The following ATG10 variants were observed in gnomAD, a reference collection of about 807,000 sequenced individuals.
ATG10 encodes autophagy related 10, also known as ubiquitin-like-conjugating enzyme ATG10.
A neutral mutation model predicts 32.1 loss-of-function variants in ATG10; 30 were observed. That is an observed-to-expected ratio of 0.94 (90% confidence interval 0.70 to 1.27). ATG10 has a LOEUF of 1.27. ATG10 is among the 50% of genes most tolerant of loss of function. The probability of loss-of-function intolerance (pLI) is 0.00; values close to 1 mark genes in which losing one functional copy is unlikely to be tolerated. For synonymous variants in ATG10, 87 were observed against 91.5 expected, an observed-to-expected ratio of 0.95 and a Z score of 0.28; for missense variants, 233 against 262.3, an observed-to-expected ratio of 0.89 and a Z score of 0.77.
At chr5:82,253,462 G>A (rs1246138281) in intron 7 of ATG10, 33 bp downstream of exon 7, 16 of 1,381,528 alleles carry the variant, frequency 1.2e-5, no homozygotes, top group Middle Eastern at 1.8e-4. Flanking sequence ...ATGTTTTGCC[G>A]TTACAAAGAT....
intron 2 of ATG10, among the ~76,000 whole-genome samples, chr5:82,049,997 A>G (rs923927816): frequency 2.0e-5 from 3 of 152,012 alleles, no homozygotes; most frequent in African/African-American, 7.3e-5. Flanking sequence ...GATATAAAGT[A>G]AAGATGAAAA....
chr5:82,090,012 T>C (rs957865469), intron 3 of ATG10, among the ~76,000 whole-genome samples: 1 of 150,034 alleles, frequency 6.7e-6, no homozygotes, highest in Non-Finnish European at 1.5e-5. Context: ...TTTAGAGAAA[T>C]GCAAATTAAA....
intron 5 of ATG10, among the ~76,000 whole-genome samples, chr5:82,247,462 A>G (rs1021322217): frequency 1.5e-4 from 22 of 151,222 alleles, no homozygotes; most frequent in Non-Finnish European, 3.0e-5. Context: ...GTACTTTTCA[A>G]CTCTAGAATT....
intron 5 of ATG10, among the ~76,000 whole-genome samples, chr5:82,202,917 A>G (rs1257414812): frequency 2.0e-5 from 3 of 152,096 alleles, no homozygotes; most frequent in African/African-American, 7.2e-5. Context: ...ATGAGAGAAG[A>G]AAGAAAGAAA....
rs532739082 is a variant in ATG10 at position 82,074,464 on chromosome 5, C to CT, written c.216+15869dup. ...GTTCCTTTCTAGTTTTAATTTTGGA[C>CT]TTTTTTTGCCTGAAAGGACATTTTT... On this transcript the variant is annotated intron_variant, in intron 3 of 7. Coordinates refer to ENST00000282185, the MANE Select transcript of ATG10 (RefSeq NM_031482.5). Among the ~76,000 whole-genome samples the CT allele has an allele frequency of 5.3e-5, 8 of 152,046 alleles. No homozygotes were observed. The East Asian group carries it at 1.2e-3, about 22-fold the overall frequency.
At chr5:82,110,785 G>A (rs1331471979) in intron 3 of ATG10, among the ~76,000 whole-genome samples, 1 of 151,964 alleles carries the variant, frequency 6.6e-6, no homozygotes, top group African/African-American at 2.4e-5. Flanking sequence ...CTTTTGCTGT[G>A]CAGAAGCTCT....
chr5:82,128,178 G>A (rs913083792), intron 3 of ATG10, among the ~76,000 whole-genome samples: 48 of 151,906 alleles, frequency 3.2e-4, no homozygotes, highest in African/African-American at 6.0e-4. Context: ...GAGCCTATGT[G>A]TGTCTTTGCA....
intron 2 of ATG10, among the ~76,000 whole-genome samples, chr5:81,987,921 T>C (rs1360438822): frequency 3.3e-5 from 5 of 152,234 alleles, no homozygotes; most frequent in African/African-American, 4.8e-5. Context: ...GTAACCTGCT[T>C]AATTTAATAG....
intron 3 of ATG10, among the ~76,000 whole-genome samples, chr5:82,108,391 T>G (rs1259622590): frequency 6.6e-6 from 1 of 151,962 alleles, no homozygotes; most frequent in Admixed American, 6.6e-5. Context: ...TGTGCATATA[T>G]ATACACACAG....
intron 3 of ATG10, among the ~76,000 whole-genome samples, chr5:82,098,001 C>T (rs185783545): frequency 3.0e-4 from 45 of 152,278 alleles, no homozygotes; most frequent in African/African-American, 1.1e-3. Flanking sequence ...CCCCCTGTGA[C>T]GTTGAGTCTG....
chr5:82,009,276 C>A (rs1253180449), intron 2 of ATG10, among the ~76,000 whole-genome samples: 1 of 152,114 alleles, frequency 6.6e-6, no homozygotes, highest in Admixed American at 6.6e-5. Flanking sequence ...TTAAATCTTG[C>A]AGGCTAGGGA....
intron 3 of ATG10, chr5:82,147,836 C>G (rs564682033): frequency 6.6e-6 from 1 of 152,598 alleles, no homozygotes; most frequent in African/African-American, 2.4e-5. Context: ...CTGCCCTCCC[C>G]CAGTCCTTGT....
intron 2 of ATG10, among the ~76,000 whole-genome samples, chr5:82,022,160 G>A (rs1762459836): frequency 6.6e-6 from 1 of 150,998 alleles, no homozygotes; most frequent in Admixed American, 6.6e-5. Context: ...CTGCACTCCA[G>A]CCTGGGTGAC....
intron 2 of ATG10, among the ~76,000 whole-genome samples, chr5:82,027,404 A>T (rs1249166889): frequency 2.0e-5 from 3 of 152,164 alleles, no homozygotes; most frequent in Admixed American, 6.5e-5. Context: ...GTCTCAAAAA[A>T]AAGAGAAAAT....
chr5:81,977,237 T>G (rs1352328903), intron 1 of ATG10, among the ~76,000 whole-genome samples: 2 of 152,178 alleles, frequency 1.3e-5, no homozygotes, highest in Admixed American at 6.5e-5. Context: ...GTGAGTGAAA[T>G]GGAGATTGTG....
intron 2 of ATG10, among the ~76,000 whole-genome samples, chr5:82,007,193 A>G (rs1201686369): frequency 6.6e-6 from 1 of 152,146 alleles, no homozygotes; most frequent in Non-Finnish European, 1.5e-5. Context: ...ACAAATTTTG[A>G]TTTACAATTT....
chr5:82,225,918 A>G (rs548968228), intron 5 of ATG10, among the ~76,000 whole-genome samples: 1 of 152,346 alleles, frequency 6.6e-6, no homozygotes, highest in African/African-American at 2.4e-5. Context: ...ATGGATCACT[A>G]TGGTATATTG....
intron 5 of ATG10, among the ~76,000 whole-genome samples, chr5:82,206,188 A>G (rs1240992707): frequency 6.6e-6 from 1 of 152,216 alleles, no homozygotes; most frequent in Non-Finnish European, 1.5e-5. Flanking sequence ...GGGCAACCAC[A>G]TGGATGTAAA....
intron 3 of ATG10, among the ~76,000 whole-genome samples, chr5:82,089,692 A>C (rs1561293371): frequency 6.6e-6 from 1 of 152,162 alleles, no homozygotes; most frequent in Non-Finnish European, 1.5e-5. Context: ...GGATTAGCCA[A>C]AGAATTTTTG....
Sources: allele counts gnomAD v4.1 joint callset (sites outside exome capture counted in the v4.1 genomes callset), GRCh38; gene constraint gnomAD v4.1.1; transcripts MANE v1.5; gene names NCBI Gene and HGNC (gene_info 2026-07-23, HGNC 2026-07-21).